The following MAD2L1 variants were observed in gnomAD, a reference collection of about 807,000 sequenced individuals.
The protein encoded by MAD2L1 is mitotic arrest deficient 2 like 1.
MAD2L1 carries 10 observed loss-of-function variants against 25.9 expected under a neutral mutation model. That is an observed-to-expected ratio of 0.39 (90% CI 0.24 to 0.66). MAD2L1 has a LOEUF of 0.66. Among genes scored for constraint, MAD2L1 ranks in the 30% least tolerant of loss-of-function variants. The pLI is 0.49. For missense variants in MAD2L1, 180 were observed against 246.4 expected (o/e 0.73, Z 1.80); for synonymous variants, 81 against 91.8 (o/e 0.88, Z 0.67).
chr4:120,064,660 C>T (rs1417748678), intron 2 of MAD2L1, among the ~76,000 whole-genome samples: 1 of 152,194 alleles, frequency 6.6e-6, no homozygotes, highest in Non-Finnish European at 1.5e-5. Flanking sequence ...TGAGACCTGA[C>T]ATCCACAGGT....
Position 120,065,817 on chromosome 4 carries a change from T to A in MAD2L1, c.75A>T (p.Ser25=). ...GATATAAAATGCTGTTGATGCCGAA[T>A]GCTGCAAGCAAAAGAAATGTTACAG... ...GSAEIVAEFF[S]FGINSILYQR... The change falls in exon 2 of 5, where the codon TCA becomes TCT. Residue 25 remains serine (S), a splice_region_variant and synonymous_variant. Transcript: ENST00000296509. The A allele has an allele frequency of 6.2e-7, 1 of 1,612,504 alleles. No individual in the cohort carries two copies. Among genetic ancestry groups the A allele is most frequent in the South Asian group, 1.1e-5 (1 of 90,796 alleles).
intron 2 of MAD2L1, among the ~76,000 whole-genome samples, chr4:120,065,224 GAAGTT>G (rs1396005934): frequency 1.3e-5 from 2 of 152,122 alleles, no homozygotes; most frequent in Non-Finnish European, 2.9e-5. Flanking sequence ...TTCTCTTTTT[GAAGTT>G]TAGTTCTCTG....
Position 120,066,842 on chromosome 4 carries a change from T to A in MAD2L1, c.-108A>T. ...GTTTCAAAAGTAACGACGCAGCACG[T>A]CGTCAGGTCCTTTGCGCAGGCGCGA... On this transcript the variant is annotated 5_prime_UTR_variant, in exon 1 of 5. Transcript: ENST00000296509. 1.3e-6 allele frequency: 1 copy of A among 785,962 alleles called. No individual in the cohort carries two copies. Among genetic ancestry groups the A allele is most frequent in the Non-Finnish European group, 2.1e-6 (1 of 474,944 alleles). 48.7% of individuals were successfully genotyped at this position (785,962 alleles called of 1,614,324 possible). A position where few individuals can be genotyped will look rare whatever the true frequency, so the allele number is the denominator to read the frequency against.
At position 120,066,816 on chromosome 4, in the gene MAD2L1, C is replaced by G. The variant is rs1398759289; in HGVS notation, c.-82G>C. The G allele has an allele frequency of 9.3e-7, 1 of 1,076,168 alleles. No homozygotes were observed. Among genetic ancestry groups the G allele is most frequent in the African/African-American group, 1.6e-5 (1 of 64,072 alleles). 66.7% of individuals were successfully genotyped at this position (1,076,168 alleles called of 1,614,324 possible). On this transcript the variant is annotated 5_prime_UTR_variant, in exon 1 of 5. Transcript: ENST00000296509. ...GCTCCAACAGCACTTCCCCGCCAAG[C>G]GTTTCAAAAGTAACGACGCAGCACG...
At position 120,060,191 on chromosome 4, in the gene MAD2L1, C is replaced by A; in HGVS notation, c.545G>T (p.Arg182Leu). 1 of 1,612,348 alleles carries A rather than the reference C, an allele frequency of 6.2e-7. No individual in the cohort carries two copies. The highest frequency in any genetic ancestry group is 1.1e-5 in the South Asian group (1 of 90,952). Residue 182 changes from arginine to leucine, a missense_variant, in exon 5 of 5, where the codon CGC becomes CTC. Transcript: ENST00000296509. ...PQFITNSEEV[R>L]LRSFTTTIHK... ...GATTGTAGTAGTAAATGAACGAAGGCGGACTTCCTCAGAATTGGTAATAAA... is the reference window on the plus strand; with the variant it reads ...GATTGTAGTAGTAAATGAACGAAGGAGGACTTCCTCAGAATTGGTAATAAA...
intron 2 of MAD2L1, among the ~76,000 whole-genome samples, chr4:120,062,591 G>T (rs531237936): frequency 6.6e-6 from 1 of 152,152 alleles, no homozygotes; most frequent in African/African-American, 2.4e-5. Flanking sequence ...GCATATAGAG[G>T]GCTGGAAGCA....
chr4:120,057,278 A>G lies in MAD2L1; in HGVS notation c.*2840T>C, dbSNP rs535366311. 1 of 152,258 alleles carries G rather than the reference A, an allele frequency of 6.6e-6. No homozygotes were observed. Among genetic ancestry groups the G allele is most frequent in the African/African-American group, 2.4e-5 (1 of 41,544 alleles). The allele number at this position is 152,258 out of a possible 1,614,324, so 9.4% of individuals were successfully genotyped here. A position where few individuals can be genotyped will look rare whatever the true frequency, so the allele number is the denominator to read the frequency against. On this transcript the variant is annotated 3_prime_UTR_variant, in exon 5 of 5. Transcript: ENST00000296509. ...AACTGTCATCAAACTTCTCGGTGCC[A>G]TTCCCACCACCTCCATGGGAGGAGT...
chr4:120,061,864 C>T, intron 3 of MAD2L1, 111 bp downstream of exon 3: 1 of 832,116 alleles, frequency 1.2e-6, no homozygotes, highest in South Asian at 2.5e-5. Flanking sequence ...AAATTAGAAA[C>T]AAACTATATT....
At chr4:120,062,935 A>G (rs1452701189) in intron 2 of MAD2L1, among the ~76,000 whole-genome samples, 1 of 152,234 alleles carries the variant, frequency 6.6e-6, no homozygotes, top group African/African-American at 2.4e-5. Flanking sequence ...GGTAGATTTA[A>G]GAGATTTCAT....
chr4:120,062,521 C>T (rs1191903234), intron 2 of MAD2L1, among the ~76,000 whole-genome samples: 1 of 152,092 alleles, frequency 6.6e-6, no homozygotes, highest in Non-Finnish European at 1.5e-5. Context: ...GGATAAACAG[C>T]ATTAAATATG....
At chr4:120,062,808 G>GA (rs1366116801) in intron 2 of MAD2L1, among the ~76,000 whole-genome samples, 1 of 152,202 alleles carries the variant, frequency 6.6e-6, no homozygotes, top group African/African-American at 2.4e-5. Flanking sequence ...CCGTGATACG[G>GA]AAAGTGGACT....
At position 120,062,048 on chromosome 4, in the gene MAD2L1, T is replaced by C. The variant is rs750143980; in HGVS notation, c.268A>G (p.Asn90Asp). The stretch of plus-strand genomic sequence containing the variant: ...TCCAGGACCTCACCACTTTCAATAT[T>C]TGAGATAACTACAACCAGTTTCTGA... Reference protein sequence around the residue: ...SVQKLVVVISNIESGEVLERW... With the variant: ...SVQKLVVVISDIESGEVLERW... The change falls in exon 3 of 5, where the codon AAT (asparagine) becomes GAT (aspartate). Residue 90 changes from asparagine (N) to aspartate (D), a missense_variant. Transcript: ENST00000296509. 5.6e-6 allele frequency: 9 copies of C among 1,612,906 alleles called. No individual in the cohort carries two copies. Among genetic ancestry groups the C allele is most frequent in the Non-Finnish European group, 5.9e-6 (7 of 1,179,266 alleles).
At chr4:120,065,992 A>G (rs1377553766) in intron 1 of MAD2L1, among the ~76,000 whole-genome samples, 174 bp from the exon 2 acceptor site, 1 of 152,054 alleles carries the variant, frequency 6.6e-6, no homozygotes, top group Non-Finnish European at 1.5e-5. Context: ...AATCCTTAAA[A>G]GTCTTGCTTC....
At chr4:120,061,586 C>T (rs1481830874) in intron 3 of MAD2L1, among the ~76,000 whole-genome samples, 4 of 151,954 alleles carry the variant, frequency 2.6e-5, no homozygotes, top group South Asian at 2.1e-4. Context: ...AAGTAGATGG[C>T]ATTAAAGGAA....
rs577220356 is a variant in MAD2L1 at position 120,062,076 on chromosome 4, T to A, written c.240A>T (p.Ser80=). Reference sequence around the variant, plus strand: ...AGATAACTACAACCAGTTTCTGAACTGAACACTTGTATAACCAATCTGCAA... The same window carrying A: ...AGATAACTACAACCAGTTTCTGAACAGAACACTTGTATAACCAATCTGCAA... ...EQLKDWLYKC[S]VQKLVVVISN... is the part of the protein sequence containing the mutation. Residue 80 remains serine (S), a synonymous_variant, in exon 3 of 5, where the codon TCA becomes TCT. Transcript: ENST00000296509. The A allele has an allele frequency of 2.5e-6, 4 of 1,611,526 alleles. No homozygotes were observed. The African/African-American group carries it at 4.0e-5, about 16-fold the overall frequency.
rs1418097204 is a variant in MAD2L1, at chr4:120,058,323, A to G, written c.*1795T>C. 1 of 152,238 alleles carries G rather than the reference A, an allele frequency of 6.6e-6. No homozygotes were observed. Among genetic ancestry groups the G allele is most frequent in the East Asian group, 1.9e-4 (1 of 5,188 alleles). 9.4% of individuals were successfully genotyped at this position (152,238 alleles called of 1,614,324 possible). On this transcript the variant is annotated 3_prime_UTR_variant, in exon 5 of 5. Transcript: ENST00000296509. Reference sequence around the variant, plus strand: ...AGCTGAGTTGAAATGACCAGAGTATACACACAACCTTTAAAAATGTGATTT... The same window carrying G: ...AGCTGAGTTGAAATGACCAGAGTATGCACACAACCTTTAAAAATGTGATTT...
intron 2 of MAD2L1, among the ~76,000 whole-genome samples, chr4:120,065,058 T>TA (rs1726291976): frequency 6.6e-6 from 1 of 152,124 alleles, no homozygotes; most frequent in African/African-American, 2.4e-5. Context: ...ACCCAACAGG[T>TA]AATACATCAA....
At position 120,059,479 on chromosome 4, in the gene MAD2L1, G is replaced by C. The variant is rs771210860; in HGVS notation, c.*639C>G. ...ATTTCCTCACTTTCACTTAAAACTT[G>C]ATTTTATAAAACACATGAAAAAACA... On this transcript the variant is annotated 3_prime_UTR_variant, in exon 5 of 5. Transcript: ENST00000296509. 1 of 152,042 alleles carries C rather than the reference G, an allele frequency of 6.6e-6. No homozygotes were observed. The highest frequency in any genetic ancestry group is 1.5e-5 in the Non-Finnish European group (1 of 68,000). 9.4% of individuals were successfully genotyped at this position (152,042 alleles called of 1,614,324 possible). A position where few individuals can be genotyped will look rare whatever the true frequency, so the allele number is the denominator to read the frequency against.
intron 2 of MAD2L1, among the ~76,000 whole-genome samples, chr4:120,064,146 G>C (rs1726273805): frequency 6.6e-6 from 1 of 152,198 alleles, no homozygotes; most frequent in Non-Finnish European, 1.5e-5. Flanking sequence ...CATTGGCTTA[G>C]GCAATGCTTG....
Sources: allele counts gnomAD v4.1 joint callset (sites outside exome capture counted in the v4.1 genomes callset), GRCh38; gene constraint gnomAD v4.1.1; transcripts MANE v1.5; gene names NCBI Gene and HGNC (gene_info 2026-07-23, HGNC 2026-07-21).